CMIP: variants seen among roughly 807,000 people sequenced by gnomAD.
The protein encoded by CMIP is C-Maf-inducing protein.
Under a neutral mutation model 97.3 loss-of-function variants are expected in CMIP, and 13 were observed. That is an observed-to-expected ratio of 0.13 (90% confidence interval 0.09 to 0.21). The LOEUF is 0.21. CMIP is among the 10% of genes least tolerant of loss of function. The pLI, the probability that CMIP is intolerant of heterozygous loss-of-function variation, is 1.00. For missense variants in CMIP, 847 were observed against 1,024.9 expected (o/e 0.83, Z 2.37); for synonymous variants, 538 against 436.3 (o/e 1.23, Z -2.91).
intron 1 of CMIP, among the ~76,000 whole-genome samples, chr16:81,565,342 A>T (rs2090960314): frequency 6.6e-6 from 1 of 152,296 alleles, no homozygotes; most frequent in African/African-American, 2.4e-5. Context: ...TGCAGATCCC[A>T]GCAGCCCAAC....
intron 9 of CMIP, among the ~76,000 whole-genome samples, chr16:81,672,803 C>A (rs1157684521): frequency 6.6e-6 from 1 of 152,150 alleles, no homozygotes; most frequent in East Asian, 1.9e-4. Flanking sequence ...GTCTCAAACT[C>A]CTGGGCTTAA....
intron 9 of CMIP, among the ~76,000 whole-genome samples, chr16:81,677,892 TC>T (rs1161870021): frequency 1.3e-5 from 2 of 152,174 alleles, no homozygotes; most frequent in Non-Finnish European, 2.9e-5. Flanking sequence ...AAACAGTAGA[TC>T]CCATTGGCTT....
At chr16:81,573,083 C>CCTTA (rs1284468283) in intron 1 of CMIP, among the ~76,000 whole-genome samples, 2 of 152,234 alleles carry the variant, frequency 1.3e-5, no homozygotes, top group Non-Finnish European at 2.9e-5. Context: ...GTAGCTCATG[C>CCTTA]CTGTAATCCC....
At chr16:81,520,604 A>G (rs1006758660) in intron 1 of CMIP, 2 of 84,520 alleles carry the variant, frequency 2.4e-5, no homozygotes, top group African/African-American at 1.1e-4. Flanking sequence ...GAGAGAGAGA[A>G]GATAGAAAGA....
intron 15 of CMIP, 133 bp from the exon 16 acceptor site, chr16:81,701,527 C>T (rs1182627451): frequency 1.7e-5 from 22 of 1,276,434 alleles, no homozygotes; most frequent in Non-Finnish European, 2.3e-5. Flanking sequence ...TTTGCCCAGG[C>T]TTACACAGCC....
intron 18 of CMIP, among the ~76,000 whole-genome samples, chr16:81,705,121 A>C (rs929388893): frequency 6.6e-6 from 1 of 152,058 alleles, no homozygotes; most frequent in Admixed American, 6.5e-5. Flanking sequence ...CAGAGGAGAA[A>C]CTGGGGACAG....
intron 1 of CMIP, among the ~76,000 whole-genome samples, chr16:81,485,576 G>T (rs1597467183): frequency 6.6e-6 from 1 of 152,318 alleles, no homozygotes; most frequent in Admixed American, 6.5e-5. Context: ...CAGCCCTTCT[G>T]ATGTCCCTCC....
intron 1 of CMIP, among the ~76,000 whole-genome samples, chr16:81,563,570 C>G (rs1017888303): frequency 5.3e-5 from 8 of 152,216 alleles, no homozygotes; most frequent in Non-Finnish European, 7.3e-5. Context: ...CCAGGCGATA[C>G]ATGTGCACAT....
intron 3 of CMIP, among the ~76,000 whole-genome samples, chr16:81,625,458 G>A (rs1184541477): frequency 2.0e-5 from 3 of 152,276 alleles, no homozygotes; most frequent in Non-Finnish European, 4.4e-5. Context: ...AAGCCCTGTG[G>A]TGACAGGCCT....
chr16:81,534,354 G>T (rs1054646828), intron 1 of CMIP, among the ~76,000 whole-genome samples: 2 of 152,062 alleles, frequency 1.3e-5, no homozygotes, highest in Non-Finnish European at 2.9e-5. Flanking sequence ...TATTCTTTGT[G>T]TGTTTTATTT....
intron 1 of CMIP, among the ~76,000 whole-genome samples, chr16:81,528,857 G>A (rs2090180041): frequency 6.6e-6 from 1 of 152,026 alleles, no homozygotes; most frequent in African/African-American, 2.4e-5. Context: ...CAAATATTTG[G>A]TGAGCGCGAT....
chr16:81,446,436 G>T (rs1192378945), intron 1 of CMIP, among the ~76,000 whole-genome samples: 1 of 151,948 alleles, frequency 6.6e-6, no homozygotes, highest in African/African-American at 2.4e-5. Context: ...GTCGAGGGGA[G>T]AGTGGGGGTG....
chr16:81,583,602 A>G (rs767342698), intron 1 of CMIP, among the ~76,000 whole-genome samples: 4 of 152,104 alleles, frequency 2.6e-5, no homozygotes, highest in East Asian at 3.9e-4. Flanking sequence ...CCAAGAGAAG[A>G]CCCACTGTCT....
At chr16:81,677,283 C>T (rs952923566) in intron 9 of CMIP, among the ~76,000 whole-genome samples, 4 of 152,172 alleles carry the variant, frequency 2.6e-5, no homozygotes, top group Non-Finnish European at 5.9e-5. Context: ...GATCTGGCTT[C>T]AAATCCCATC....
intron 3 of CMIP, among the ~76,000 whole-genome samples, chr16:81,642,819 C>A (rs1341940113): frequency 6.6e-6 from 1 of 152,066 alleles, no homozygotes; most frequent in Non-Finnish European, 1.5e-5. Context: ...TCGCTTGAAC[C>A]CGGGAGGCGG....
chr16:81,489,420 G>A (rs1248389161), intron 1 of CMIP, among the ~76,000 whole-genome samples: 1 of 152,190 alleles, frequency 6.6e-6, no homozygotes, highest in East Asian at 1.9e-4. Context: ...TTTTCTCCTC[G>A]GTAGTCAGAG....
At chr16:81,663,605 G>A (rs1309348118) in intron 6 of CMIP, among the ~76,000 whole-genome samples, 1 of 152,196 alleles carries the variant, frequency 6.6e-6, no homozygotes. Context: ...AGCACCAAGA[G>A]TGAACCCTAA....
intron 1 of CMIP, among the ~76,000 whole-genome samples, chr16:81,495,952 G>C (rs1286574681): frequency 6.6e-6 from 1 of 152,186 alleles, no homozygotes; most frequent in Non-Finnish European, 1.5e-5. Context: ...CCCCAGCTCC[G>C]AGACTTGCAG....
At chr16:81,571,135 T>C (rs1463094586) in intron 1 of CMIP, among the ~76,000 whole-genome samples, 1 of 152,206 alleles carries the variant, frequency 6.6e-6, no homozygotes, top group Non-Finnish European at 1.5e-5. Context: ...TCAGCAGTTT[T>C]TCTGTAAATC....
Sources: allele counts gnomAD v4.1 joint callset (sites outside exome capture counted in the v4.1 genomes callset), GRCh38; gene constraint gnomAD v4.1.1; transcripts MANE v1.5; gene names NCBI Gene and HGNC (gene_info 2026-07-23, HGNC 2026-07-21).